Variants in CFAP74 observed in about 807,000 individuals in gnomAD.
CFAP74 encodes cilia and flagella associated protein 74, also known as cilia- and flagella-associated protein 74.
A neutral mutation model predicts 188.9 loss-of-function variants in CFAP74; 124 were observed. The ratio of observed to expected loss-of-function variants is 0.66; its 90% CI spans 0.57 to 0.76. The LOEUF (loss-of-function observed/expected upper bound fraction) is 0.76. Ranked by LOEUF, CFAP74 falls within the 30% of genes least tolerant of loss-of-function variation. The pLI is 0.00. For synonymous variants in CFAP74, 956 were observed against 916.7 expected (o/e 1.04, Z -0.77); for missense variants, 2,198 against 2,165.2 (o/e 1.02, Z -0.30).
intron 6 of CFAP74, 106 bp from the exon 7 acceptor site, chr1:1,974,304 C>G: frequency 8.6e-7 from 1 of 1,167,754 alleles, no homozygotes; most frequent in Non-Finnish European, 1.2e-6. Context: ...GTTGAACACC[C>G]CAGATGGGTT....
chr1:1,988,816 T>TCCCCCCCCCCCCCCCCCCCCCC, intron 3 of CFAP74, 73 bp downstream of exon 3: 1 of 569,880 alleles, frequency 1.8e-6, no homozygotes, highest in Non-Finnish European at 2.9e-6. Context: ...CCCGCTCCCT[T>TCCCCCCCCCCCCCCCCCCCCCC]CACCCACCCC....
At chr1:1,971,249 A>G (rs1656017318) in intron 9 of CFAP74, among the ~76,000 whole-genome samples, 1 of 145,872 alleles carries the variant, frequency 6.9e-6, no homozygotes, top group Non-Finnish European at 1.5e-5. Context: ...ACATGCACAC[A>G]CTCACGCATG....
Position 1,971,999 on chromosome 1 carries a change from C to A in CFAP74, c.869G>T (p.Gly290Val), listed in dbSNP as rs971966173. Reference protein sequence around the residue: ...RRMDAVVALKGSISANRDTLR... With the variant: ...RRMDAVVALKVSISANRDTLR... The stretch of plus-strand genomic sequence containing the variant: ...GCCTACCCGGTTCGCGGAGATGCTG[C>A]CCTTCAGCGCCACCACCGCATCCAT... Residue 290 changes from glycine (G) to valine (V), a missense_variant, in exon 9 of 39, where the codon GGC (glycine) becomes GTC (valine). Transcript: ENST00000682832. 5.0e-6 allele frequency: 8 copies of A among 1,611,272 alleles called. No homozygotes were observed. The highest frequency in any genetic ancestry group is 6.8e-6 in the Non-Finnish European group (8 of 1,179,874).
Position 1,968,764 on chromosome 1 carries a change from C to G in CFAP74, c.1116G>C (p.Glu372Asp). 2 of 1,614,138 alleles carry G rather than the reference C, an allele frequency of 1.2e-6. No individual in the cohort carries two copies. The highest frequency in any genetic ancestry group is 1.1e-5 in the South Asian group (1 of 91,078). Residue 372 changes from glutamate to aspartate, a missense_variant, in exon 11 of 39, where the codon GAG becomes GAC. Physicochemically the swap from Glu to Asp is conservative, Grantham distance 45. Transcript: ENST00000682832. The surrounding 1 kb of genome is among the most constrained non-coding windows in gnomAD (Gnocchi z 4.3). ...GATGCTGTTTCTTCCTCTTTTCCTC[C>G]TCAGCCTCCTCTTTCAGAATCCGAC... ...IISRILKEEA[E>D]EEKRKKQHPP...
At chr1:1,986,818 C>G (rs1657267675) in intron 5 of CFAP74, 119 bp downstream of exon 5, 1 of 781,210 alleles carries the variant, frequency 1.3e-6, no homozygotes, top group East Asian at 2.6e-5. Flanking sequence ...TGGCCTCACA[C>G]TGGGGCTCCT....
rs1398131406 is a variant in CFAP74, at chr1:1,922,469, C to T, written c.4819-81G>A. ...ATCTGCTGTCTTCCCACTGCCCTGCCCACCTGACTCCCTTGGGTCCTCCAC... is the reference window on the plus strand; with the variant it reads ...ATCTGCTGTCTTCCCACTGCCCTGCTCACCTGACTCCCTTGGGTCCTCCAC... On this transcript the variant is annotated intron_variant, in intron 38 of 38. Transcript: ENST00000682832. The T allele has an allele frequency of 3.1e-5, 47 of 1,537,948 alleles. No individual in the cohort carries two copies. The Admixed American group carries it at 8.6e-4, about 28-fold the overall frequency.
intron 1 of CFAP74, among the ~76,000 whole-genome samples, chr1:1,994,631 T>C (rs1325856252): frequency 6.6e-6 from 1 of 152,254 alleles, no homozygotes; most frequent in Non-Finnish European, 1.5e-5. Flanking sequence ...TATTCAGCTC[T>C]GTGCTTGTGA....
rs954450805 is a variant in CFAP74, at chr1:1,973,609, C to T, written c.674+416G>A. ...TGACAGAAGACGTGTGGGGAATGGGCCTGAGTGCTCCACAGCCACGCAGGT... is the reference window on the plus strand; with the variant it reads ...TGACAGAAGACGTGTGGGGAATGGGTCTGAGTGCTCCACAGCCACGCAGGT... On this transcript the variant is annotated intron_variant, in intron 7 of 38. Transcript: ENST00000682832. The surrounding 1 kb of genome is among the most constrained non-coding windows in gnomAD (Gnocchi z 6.2). Among the ~76,000 whole-genome samples the T allele has an allele frequency of 6.6e-6, 1 of 151,910 alleles. No homozygotes were observed. The highest frequency in any genetic ancestry group is 2.4e-5 in the African/African-American group (1 of 41,318).
intron 25 of CFAP74, among the ~76,000 whole-genome samples, chr1:1,935,687 ATGTT>A (rs1180138049): frequency 1.3e-5 from 2 of 152,048 alleles, no homozygotes; most frequent in African/African-American, 4.8e-5. Context: ...TTGAGGGAGA[ATGTT>A]TGTTTCTGTA....
chr1:1,926,777 C>G lies in CFAP74; in HGVS notation c.3663-16G>C, dbSNP rs1651937550. On this transcript the variant is annotated splice_polypyrimidine_tract_variant and intron_variant, in intron 29 of 38. Coordinates refer to ENST00000682832, the MANE Select transcript of CFAP74 (RefSeq NM_001304360.2). ...GTTGTGGGGGCTGGGATAGGAAGGG[C>G]ATGCTGAGGGCAGGGTGGGCGGCCC... The G allele has an allele frequency of 6.5e-7, 1 of 1,548,766 alleles. No homozygotes were observed. The highest frequency in any genetic ancestry group is 8.7e-7 in the Non-Finnish European group (1 of 1,145,762).
In CFAP74 at chr1:1,954,908, G is replaced by GCCA. The variant is rs1440436374; in HGVS notation, c.2176+782_2176+783insTGG. 41 of 1,182,676 alleles carry GCCA rather than the reference G, an allele frequency of 3.5e-5. 1 individual carries two copies. Among genetic ancestry groups the GCCA allele is most frequent in the Non-Finnish European group, 4.0e-5 (38 of 941,642 alleles). The allele number at this position is 1,182,676 out of a possible 1,614,324, so 73.3% of individuals were successfully genotyped here. On this transcript the variant is annotated intron_variant, in intron 18 of 38. Transcript: ENST00000682832. ...ACAGGCCAAGGGGCAGTGCAGAACG[G>GCCA]CCTTCGCAACAGTGTGTACCACGAA... is the stretch of plus-strand genomic sequence containing the variant.
At chr1:1,962,413 T>C (rs1655152957) in intron 14 of CFAP74, among the ~76,000 whole-genome samples, 1 of 147,092 alleles carries the variant, frequency 6.8e-6, no homozygotes, top group Admixed American at 6.7e-5. Context: ...GAGGCAGAGG[T>C]TGCAGGGAGC....
rs896681849 is a variant in CFAP74 at position 1,946,554 on chromosome 1, C to A, written c.2242-115G>T. 1.6e-4 allele frequency: 211 copies of A among 1,333,598 alleles called. 1 individual carries two copies. Among genetic ancestry groups the A allele is most frequent in the Non-Finnish European group, 2.0e-4 (201 of 1,003,486 alleles). 82.6% of individuals were successfully genotyped at this position (1,333,598 alleles called of 1,614,324 possible). On this transcript the variant is annotated intron_variant, in intron 19 of 38. Coordinates refer to ENST00000682832, the MANE Select transcript of CFAP74 (RefSeq NM_001304360.2). ...ATGGAAGGTGGCAGGACCCGTGTCC[C>A]TGGGTGGCCACTTGGCCACAGATGT... is the stretch of plus-strand genomic sequence containing the variant.
chr1:1,988,519 T>G lies in CFAP74; in HGVS notation c.289A>C (p.Lys97Gln). 1 of 1,612,026 alleles carries G rather than the reference T, an allele frequency of 6.2e-7. No individual in the cohort carries two copies. Among genetic ancestry groups the G allele is most frequent in the Non-Finnish European group, 8.5e-7 (1 of 1,179,964 alleles). ...GCCTCAGCCCCAGCTCACCTCATCT[T>G]CTCAGTGAAAAGCTCTTGCTCCTCA... The part of the protein sequence containing the change: ...MHEEQELFTE[K>Q]MRGELRACRQ... The change falls in exon 4 of 39, where the codon AAG becomes CAG. Residue 97 changes from lysine to glutamine, a missense_variant. By Grantham distance (53) the Lys-to-Gln change is moderately conservative. Coordinates refer to ENST00000682832, the MANE Select transcript of CFAP74 (RefSeq NM_001304360.2).
At chr1:1,943,815 C>A (rs1024493891) in intron 21 of CFAP74, among the ~76,000 whole-genome samples, 3 of 152,218 alleles carry the variant, frequency 2.0e-5, no homozygotes, top group Admixed American at 6.5e-5. Flanking sequence ...GAAGCCAAGA[C>A]GGAGCTAAGG....
rs1031385482 is a variant in CFAP74, at chr1:1,926,456, C to T, written c.3828+1G>A. On this transcript the variant is annotated splice_donor_variant, in intron 31 of 38. Coordinates refer to ENST00000682832, the MANE Select transcript of CFAP74 (RefSeq NM_001304360.2). LOFTEE classifies it high-confidence loss of function. Reference sequence around the variant, plus strand: ...CGCCTGAGCTGGGTGGACAAGGACACGGCCAGATCCTCGGGAGAGACGTTC... The same window carrying T: ...CGCCTGAGCTGGGTGGACAAGGACATGGCCAGATCCTCGGGAGAGACGTTC... 15 of 1,550,158 alleles carry T rather than the reference C, an allele frequency of 9.7e-6. No homozygotes were observed. In the Admixed American group the frequency reaches 9.8e-5, roughly 10 times the overall value.
chr1:1,958,714 G>A (rs540639093), intron 16 of CFAP74, among the ~76,000 whole-genome samples: 10 of 152,320 alleles, frequency 6.6e-5, no homozygotes, highest in South Asian at 2.1e-4. Flanking sequence ...GGGAGGATGC[G>A]GGGTCCGGGT....
At position 1,925,905 on chromosome 1, in the gene CFAP74, C is replaced by A; in HGVS notation, c.3982G>T (p.Gly1328Cys). The change falls in exon 33 of 39, where the codon GGC (glycine) becomes TGC (cysteine). Residue 1328 changes from glycine to cysteine, a missense_variant. Physicochemically the swap from Gly to Cys is radical, Grantham distance 159. Coordinates refer to ENST00000682832, the MANE Select transcript of CFAP74 (RefSeq NM_001304360.2). ...QETLDIITKR[G>C]TLTLTLMGTG... ...CCCATGAGGGTGAGGGTGAGCGTGC[C>A]TCTCTTGGTGATGATGTCCAGTGTT... is the stretch of plus-strand genomic sequence containing the variant. The A allele has an allele frequency of 6.2e-7, 1 of 1,611,986 alleles. No homozygotes were observed. Among genetic ancestry groups the A allele is most frequent in the South Asian group, 1.1e-5 (1 of 90,958 alleles).
chr1:1,995,094 T>C (rs78623062), intron 1 of CFAP74, among the ~76,000 whole-genome samples: 1 of 152,272 alleles, frequency 6.6e-6, no homozygotes, highest in East Asian at 1.9e-4. Context: ...GAAAGCGTGC[T>C]GAAGAAGCAG....
Sources: allele counts gnomAD v4.1 joint callset (sites outside exome capture counted in the v4.1 genomes callset), GRCh38; gene constraint gnomAD v4.1.1; non-coding constraint Gnocchi (gnomAD v3.1); transcripts MANE v1.5; gene names NCBI Gene and HGNC (gene_info 2026-07-23, HGNC 2026-07-21).